Variants in OR51E1 observed in about 807,000 individuals in gnomAD.
The protein encoded by OR51E1 is olfactory receptor family 51 subfamily E member 1, also known as olfactory receptor 51E1.
Under a neutral mutation model 11.5 loss-of-function variants are expected in OR51E1, and 9 were observed. The ratio of observed to expected loss-of-function variants is 0.78; its 90% confidence interval spans 0.47 to 1.37. The LOEUF (loss-of-function observed/expected upper bound fraction) is 1.37, where lower values mean the gene tolerates loss of function less well. OR51E1 is among the 40% of genes most tolerant of loss of function. The probability of loss-of-function intolerance (pLI) is 0.00; values close to 1 mark genes in which losing one functional copy is unlikely to be tolerated. For synonymous variants in OR51E1, 168 were observed against 158.3 expected, an observed-to-expected ratio of 1.06 and a Z score of -0.46; for missense variants, 397 against 410.2, an observed-to-expected ratio of 0.97 and a Z score of 0.28.
At chr11:4,647,876 T>C (rs1248116578) in intron 1 of OR51E1, among the ~76,000 whole-genome samples, 2 of 152,192 alleles carry the variant, frequency 1.3e-5, no homozygotes, top group Non-Finnish European at 1.5e-5. Flanking sequence ...TATTTTTTCT[T>C]GATTGTGCCT....
chr11:4,648,683 G>A (rs1190297270), intron 1 of OR51E1, among the ~76,000 whole-genome samples: 1 of 152,118 alleles, frequency 6.6e-6, no homozygotes, highest in Non-Finnish European at 1.5e-5. Flanking sequence ...TGCCATATCT[G>A]TTTATGTAAA....
In OR51E1 at chr11:4,653,446, G is replaced by A. The variant is rs751394816; in HGVS notation, c.920G>A (p.Arg307Gln). ...AAGGAGATTCGACAGCGCATCCTTC[G>A]ACTTTTCCATGTGGCCACACACGCT... ...KTKEIRQRIL[R>Q]LFHVATHASE... The change falls in exon 2 of 2, where the codon CGA becomes CAA. Residue 307 changes from arginine (R) to glutamine (Q), a missense_variant. Transcript: ENST00000396952. 8.1e-6 allele frequency: 13 copies of A among 1,613,456 alleles called. No individual in the cohort carries two copies. The highest frequency in any genetic ancestry group is 6.7e-5 in the East Asian group (3 of 44,882).
chr11:4,652,954 G>A lies in OR51E1; in HGVS notation c.428G>A (p.Arg143His), dbSNP rs779396777. The A allele has an allele frequency of 4.4e-6, 7 of 1,605,854 alleles. No homozygotes were observed. The highest frequency in any genetic ancestry group is 4.0e-5 in the African/African-American group (3 of 74,814). The change falls in exon 2 of 2, where the codon CGT (arginine) becomes CAT (histidine). Residue 143 changes from arginine (R) to histidine (H), a missense_variant. Physicochemically the swap from Arg to His is conservative, Grantham distance 29. Transcript: ENST00000396952. ...LRHATVLTLP[R>H]VTKIGVAAVV... ...CATGCCACAGTACTTACGTTGCCTC[G>A]TGTCACCAAAATTGGTGTGGCTGCT...
At position 4,655,345 on chromosome 11, in the gene OR51E1, T is replaced by C. The variant is rs914754039; in HGVS notation, c.*1862T>C. The C allele has an allele frequency of 7.8e-5, 13 of 167,098 alleles. No individual in the cohort carries two copies. In the Admixed American group the frequency reaches 8.5e-4, roughly 11 times the overall value. 10.4% of individuals were successfully genotyped at this position (167,098 alleles called of 1,614,324 possible). The stretch of plus-strand genomic sequence containing the variant: ...AAATGTGACTTGGGAAGCTATGTGT[T>C]ACACAGAGTAAATCACCAGAAGCCT... On this transcript the variant is annotated 3_prime_UTR_variant, in exon 2 of 2. Coordinates refer to ENST00000396952, the MANE Select transcript of OR51E1 (RefSeq NM_152430.4).
Position 4,653,219 on chromosome 11 carries a change from G to T in OR51E1, c.693G>T (p.Leu231Phe). Residue 231 changes from leucine (L) to phenylalanine (F), a missense_variant, in exon 2 of 2, where the codon TTG (leucine) becomes TTT (phenylalanine). Transcript: ENST00000396952. ...TTATTCTTAAGACTGTGTTGGGCTT[G>T]ACACGTGAAGCCCAGGCCAAGGCAT... ...YLLILKTVLG[L>F]TREAQAKAFG... 1 of 1,613,424 alleles carries T rather than the reference G, an allele frequency of 6.2e-7. No individual in the cohort carries two copies. Among genetic ancestry groups the T allele is most frequent in the South Asian group, 1.1e-5 (1 of 91,042 alleles).
chr11:4,653,054 C>T lies in OR51E1; in HGVS notation c.528C>T (p.Ile176=). ...IKQLPFCRSN[I]LSHSYCLHQD... Reference sequence around the variant, plus strand: ...AGCTGCCCTTCTGCCGCTCCAATATCCTTTCCCATTCCTACTGCCTACACC... The same window carrying T: ...AGCTGCCCTTCTGCCGCTCCAATATTCTTTCCCATTCCTACTGCCTACACC... Residue 176 remains isoleucine, a synonymous_variant, in exon 2 of 2, where the codon ATC becomes ATT. Transcript: ENST00000396952. 6.2e-7 allele frequency: 1 copy of T among 1,613,852 alleles called. No individual in the cohort carries two copies. The highest frequency in any genetic ancestry group is 1.3e-5 in the African/African-American group (1 of 75,042).
Position 4,652,911 on chromosome 11 carries a change from A to G in OR51E1, c.385A>G (p.Ile129Val). 1.2e-6 allele frequency: 2 copies of G among 1,611,792 alleles called. No individual in the cohort carries two copies. Among genetic ancestry groups the G allele is most frequent in the Non-Finnish European group, 1.7e-6 (2 of 1,178,668 alleles). Reference sequence around the variant, plus strand: ...CATGGCTTTTGACCGCTATGTGGCCATCTGTCACCCACTGCGCCATGCCAC... The same window carrying G: ...CATGGCTTTTGACCGCTATGTGGCCGTCTGTCACCCACTGCGCCATGCCAC... ...LAMAFDRYVA[I>V]CHPLRHATVL... The change falls in exon 2 of 2, where the codon ATC (isoleucine) becomes GTC (valine). Residue 129 changes from isoleucine (I) to valine (V), a missense_variant. Ile to Val is a conservative substitution (Grantham distance 29). Transcript: ENST00000396952.
chr11:4,647,739 C>T (rs1365389832), intron 1 of OR51E1, among the ~76,000 whole-genome samples: 3 of 152,126 alleles, frequency 2.0e-5, no homozygotes, highest in Non-Finnish European at 2.9e-5. Flanking sequence ...CTTCATAGTT[C>T]CTGAAGAAAC....
intron 1 of OR51E1, among the ~76,000 whole-genome samples, chr11:4,650,818 G>C (rs1030820367): frequency 1.3e-5 from 2 of 152,020 alleles, no homozygotes; most frequent in African/African-American, 4.8e-5. Flanking sequence ...AATCTGAAAT[G>C]CTCCAAAATC....
At chr11:4,649,816 G>A (rs1440875618) in intron 1 of OR51E1, among the ~76,000 whole-genome samples, 3 of 152,124 alleles carry the variant, frequency 2.0e-5, no homozygotes, top group Non-Finnish European at 4.4e-5. Context: ...TATGTGTGAG[G>A]TATTGTGTTA....
At position 4,653,365 on chromosome 11, in the gene OR51E1, A is replaced by T. The variant is rs748108982; in HGVS notation, c.839A>T (p.Asn280Ile). ...TCTCCGCTGCCCGTCATCTTGGCCA[A>T]TATCTATCTGCTGGTTCCTCCTGTG... ...RDSPLPVILANIYLLVPPVLN... is the reference protein window; with the variant it reads ...RDSPLPVILAIIYLLVPPVLN... The change falls in exon 2 of 2, where the codon AAT (asparagine) becomes ATT (isoleucine). Residue 280 changes from asparagine to isoleucine, a missense_variant. By Grantham distance (149) the Asn-to-Ile change is moderately radical (BLOSUM62 -3). Coordinates refer to ENST00000396952, the MANE Select transcript of OR51E1 (RefSeq NM_152430.4). The T allele has an allele frequency of 1.9e-6, 3 of 1,613,952 alleles. No homozygotes were observed. The highest frequency in any genetic ancestry group is 1.3e-5 in the African/African-American group (1 of 74,892).
chr11:4,649,599 A>G (rs1194121841), intron 1 of OR51E1, among the ~76,000 whole-genome samples: 2 of 152,172 alleles, frequency 1.3e-5, no homozygotes, highest in Non-Finnish European at 2.9e-5. Context: ...TGGAGTTTCA[A>G]GGGTATTTTT....
rs144165806 is a variant in OR51E1, at chr11:4,644,962, C to T, written c.-40+932C>T. Among the ~76,000 whole-genome samples the T allele has an allele frequency of 3.3e-4, 50 of 152,192 alleles. No individual in the cohort carries two copies. The East Asian group carries it at 6.8e-3, about 21-fold the overall frequency. ...CCCCAATATCATTCTTGCTGGGGGA[C>T]GCTTTTCTCTTGCTGTCTCCCACAG... is the stretch of plus-strand genomic sequence containing the variant. On this transcript the variant is annotated intron_variant, in intron 1 of 1. Transcript: ENST00000396952.
rs1290890732 is a variant in OR51E1, at chr11:4,652,705, A to G, written c.179A>G (p.Glu60Gly). The change falls in exon 2 of 2, where the codon GAG becomes GGG. Residue 60 changes from glutamate to glycine, a missense_variant. By Grantham distance (98) the Glu-to-Gly change is moderately conservative. Transcript: ENST00000396952. ...YIVRTEHSLH[E>G]PMYIFLCMLS... ...GTGCGGACTGAGCACAGCCTGCATG[A>G]GCCCATGTATATATTTCTTTGCATG... The G allele has an allele frequency of 6.2e-7, 1 of 1,614,086 alleles. No homozygotes were observed. Among genetic ancestry groups the G allele is most frequent in the East Asian group, 2.2e-5 (1 of 44,870 alleles).
chr11:4,653,732 T>C lies in OR51E1; in HGVS notation c.*249T>C. ...AGGGTTATTACTTTTCATTTTACCA[T>C]GCAGTCCAAATCTAAACTGCTTCTA... On this transcript the variant is annotated 3_prime_UTR_variant, in exon 2 of 2. Coordinates refer to ENST00000396952, the MANE Select transcript of OR51E1 (RefSeq NM_152430.4). The C allele has an allele frequency of 2.5e-6, 1 of 406,504 alleles. No individual in the cohort carries two copies. Among genetic ancestry groups the C allele is most frequent in the South Asian group, 4.4e-5 (1 of 22,800 alleles). The allele number at this position is 406,504 out of a possible 1,614,324, so 25.2% of individuals were successfully genotyped here. A position where few individuals can be genotyped will look rare whatever the true frequency, so the allele number is the denominator to read the frequency against.
chr11:4,650,765 A>C (rs1470648787), intron 1 of OR51E1, among the ~76,000 whole-genome samples: 1 of 152,170 alleles, frequency 6.6e-6, no homozygotes, highest in Non-Finnish European at 1.5e-5. Context: ...AATACACATG[A>C]TCTAATAAAT....
At chr11:4,652,297 T>C (rs1847108020) in intron 1 of OR51E1, among the ~76,000 whole-genome samples, 191 bp from the exon 2 acceptor site, 1 of 152,224 alleles carries the variant, frequency 6.6e-6, no homozygotes, top group African/African-American at 2.4e-5. Context: ...GGTTAGTAAG[T>C]AGGACTGGAT....
At chr11:4,648,953 C>T (rs964752107) in intron 1 of OR51E1, among the ~76,000 whole-genome samples, 2 of 152,126 alleles carry the variant, frequency 1.3e-5, no homozygotes, top group Admixed American at 6.5e-5. Context: ...AATTACTCTG[C>T]ACTGACCTTC....
At chr11:4,646,655 T>G (rs181329541) in intron 1 of OR51E1, among the ~76,000 whole-genome samples, 68 of 152,310 alleles carry the variant, frequency 4.5e-4, no homozygotes, top group South Asian at 1.5e-3. Context: ...CCTTTGGAGT[T>G]AGGGCTGAAA....
Sources: allele counts gnomAD v4.1 joint callset (sites outside exome capture counted in the v4.1 genomes callset), GRCh38; gene constraint gnomAD v4.1.1; transcripts MANE v1.5; gene names NCBI Gene and HGNC (gene_info 2026-07-23, HGNC 2026-07-21).